Variants in FLOT2 observed in about 807,000 individuals in gnomAD.
FLOT2 encodes the protein flotillin-2.
Under a neutral mutation model 54.9 loss-of-function variants are expected in FLOT2, and 35 were observed. The ratio of observed to expected loss-of-function variants is 0.64; its 90% CI spans 0.49 to 0.84. The LOEUF (loss-of-function observed/expected upper bound fraction) is 0.84, where lower values mean the gene tolerates loss of function less well. FLOT2 is among the 40% of genes least tolerant of loss of function. FLOT2 has a pLI of 0.00. For missense variants in FLOT2, 464 were observed against 572.1 expected, an observed-to-expected ratio of 0.81 and a Z score of 1.93; for synonymous variants, 207 against 228.9, an observed-to-expected ratio of 0.90 and a Z score of 0.86.
rs765305040 is a variant in FLOT2, at chr17:28,888,952, T to C, written c.124A>G (p.Thr42Ala). 35 of 1,613,798 alleles carry C rather than the reference T, an allele frequency of 2.2e-5. No individual in the cohort carries two copies. Reference protein sequence around the residue: ...WAWAWWCISDTQRISLEIMTL... With the variant: ...WAWAWWCISDAQRISLEIMTL... ...GAGCCCCCAGGTGCTTACCTCTGAG[T>C]GTCGGAGATACACCACCAGGCCCAG... Residue 42 changes from threonine (T) to alanine (A), a missense_variant, in exon 2 of 11, where the codon ACT (threonine) becomes GCT (alanine). Physicochemically the swap from Thr to Ala is moderately conservative, Grantham distance 58 (BLOSUM62 0). Coordinates refer to ENST00000394908, the MANE Select transcript of FLOT2 (RefSeq NM_004475.3).
At position 28,882,437 on chromosome 17, in the gene FLOT2, T is replaced by C. The variant is rs748685439; in HGVS notation, c.479A>G (p.Lys160Arg). ...LSFTIKDVYD[K>R]VDYLSSLGKT... ...GCCCAGGGAGCTCAGATAGTCCACT[T>C]TGTCATACACGTCCTGGGGAGGGAA... Residue 160 changes from lysine to arginine, a missense_variant, in exon 6 of 11, where the codon AAA (lysine) becomes AGA (arginine). Lys to Arg is a conservative substitution (Grantham distance 26, BLOSUM62 2). Coordinates refer to ENST00000394908, the MANE Select transcript of FLOT2 (RefSeq NM_004475.3). This position sits in a 1 kb window ranked among gnomAD's most constrained non-coding sequence, Gnocchi z 5.6. The C allele has an allele frequency of 1.9e-6, 3 of 1,613,994 alleles. No individual in the cohort carries two copies. Among genetic ancestry groups the C allele is most frequent in the Admixed American group, 3.3e-5 (2 of 60,024 alleles).
At position 28,882,615 on chromosome 17, in the gene FLOT2, A is replaced by T; in HGVS notation, c.423T>A (p.Asp141Glu). 6.2e-7 allele frequency: 1 copy of T among 1,613,668 alleles called. No homozygotes were observed. The change falls in exon 5 of 11, where the codon GAT (aspartate) becomes GAA (glutamate). Residue 141 changes from aspartate (D) to glutamate (E), a missense_variant. By Grantham distance (45) the Asp-to-Glu change is conservative. Coordinates refer to ENST00000394908, the MANE Select transcript of FLOT2 (RefSeq NM_004475.3). The surrounding 1 kb of genome is among the most constrained non-coding windows in gnomAD (Gnocchi z 5.6). ...GGATCTCAATGCCCATGCGGCCAAC[A>T]TCAGGGGCTGCCACCTCCCGCACCA... ...AKLVREVAAP[D>E]VGRMGIEILS...
Position 28,880,281 on chromosome 17 carries a change from T to G in FLOT2, c.*280A>C. The G allele has an allele frequency of 6.0e-6, 8 of 1,325,456 alleles. No homozygotes were observed. Among genetic ancestry groups the G allele is most frequent in the East Asian group, 6.1e-5 (2 of 32,822 alleles). The allele number at this position is 1,325,456 out of a possible 1,614,324, so 82.1% of individuals were successfully genotyped here. A position where few individuals can be genotyped will look rare whatever the true frequency, so the allele number is the denominator to read the frequency against. On this transcript the variant is annotated 3_prime_UTR_variant, in exon 11 of 11. Transcript: ENST00000394908. ...TTCAGCTTAATCTACATGATGTGCA[T>G]GGGGGAAAGAAAAAGACAGACAAAG...
chr17:28,883,564 G>A lies in FLOT2; in HGVS notation c.223-333C>T, dbSNP rs2039492674. 6.6e-6 allele frequency among the ~76,000 whole-genome samples: 1 copy of A among 152,144 alleles called. No individual in the cohort carries two copies. The highest frequency in any genetic ancestry group is 6.5e-5 in the Admixed American group (1 of 15,288). On this transcript the variant is annotated intron_variant, in intron 3 of 10. Transcript: ENST00000394908. The surrounding 1 kb of genome is among the most constrained non-coding windows in gnomAD (Gnocchi z 5.0). The stretch of plus-strand genomic sequence containing the variant: ...CTTCCTACACGTGGGAGACCCTCAG[G>A]CTGAGGGGCAGAGAGTATGAGAAGC...
intron 1 of FLOT2, among the ~76,000 whole-genome samples, chr17:28,891,275 G>GTTAGTGTCTCTGA (rs1236948377): frequency 1.3e-5 from 2 of 152,226 alleles, no homozygotes; most frequent in Non-Finnish European, 2.9e-5. Context: ...AAGGGTCTGG[G>GTTAGTGTCTCTGA]GGAGTTTCAT....
chr17:28,897,716 C>T lies in FLOT2; in HGVS notation c.-142G>A, dbSNP rs1057159366. ...GCTCGCCCGCGCCCCTCTGCGGTCG[C>T]AGCCCCGCCGGAAGTGTGGCGGCGG... On this transcript the variant is annotated 5_prime_UTR_variant, in exon 1 of 11. Coordinates refer to ENST00000394908, the MANE Select transcript of FLOT2 (RefSeq NM_004475.3). This position sits in a 1 kb window ranked among gnomAD's most constrained non-coding sequence, Gnocchi z 4.4. The T allele has an allele frequency of 9.3e-6, 6 of 645,640 alleles. No individual in the cohort carries two copies. In the Admixed American group the frequency reaches 2.8e-4, roughly 30 times the overall value. The allele number at this position is 645,640 out of a possible 1,614,324, so 40.0% of individuals were successfully genotyped here.
chr17:28,881,170 C>A, intron 9 of FLOT2, 22 bp downstream of exon 9: 1 of 1,606,246 alleles, frequency 6.2e-7, no homozygotes, highest in Non-Finnish European at 8.5e-7. Context: ...AACCCTAGGA[C>A]CCGCTTGGGT....
chr17:28,884,224 C>A lies in FLOT2; in HGVS notation c.222+1G>T. The A allele has an allele frequency of 6.2e-7, 1 of 1,610,262 alleles. No homozygotes were observed. The highest frequency in any genetic ancestry group is 8.5e-7 in the Non-Finnish European group (1 of 1,176,724). On this transcript the variant is annotated splice_donor_variant, in intron 3 of 10. Transcript: ENST00000394908. LOFTEE classifies it high-confidence loss of function. This position sits in a 1 kb window ranked among gnomAD's most constrained non-coding sequence, Gnocchi z 5.1. ...TGCGCAGGGCTGCTGAGTTACTATA[C>A]CTGGGCGACACCCGTCACAGTTAAA...
chr17:28,879,908 C>T lies in FLOT2; in HGVS notation c.*653G>A. On this transcript the variant is annotated 3_prime_UTR_variant, in exon 11 of 11. Transcript: ENST00000394908. ...GAGGAAGCTGCTGTAGACAGGAGGCCTTGCCTCTGTGCCCTTGGGGTCAGG... is the reference window on the plus strand; with the variant it reads ...GAGGAAGCTGCTGTAGACAGGAGGCTTTGCCTCTGTGCCCTTGGGGTCAGG... 2.0e-6 allele frequency: 2 copies of T among 986,180 alleles called. No homozygotes were observed. Among genetic ancestry groups the T allele is most frequent in the Non-Finnish European group, 2.4e-6 (2 of 830,238 alleles). 61.1% of individuals were successfully genotyped at this position (986,180 alleles called of 1,614,324 possible).
At position 28,879,856 on chromosome 17, in the gene FLOT2, A is replaced by C. The variant is rs1555597981; in HGVS notation, c.*705T>G. 1 of 985,938 alleles carries C rather than the reference A, an allele frequency of 1.0e-6. No individual in the cohort carries two copies. Among genetic ancestry groups the C allele is most frequent in the Non-Finnish European group, 1.2e-6 (1 of 830,118 alleles). 61.1% of individuals were successfully genotyped at this position (985,938 alleles called of 1,614,324 possible). A position where few individuals can be genotyped will look rare whatever the true frequency, so the allele number is the denominator to read the frequency against. ...GAAGAGGCCTTCCCTGAGCACAAGC[A>C]GGGGCCTCCTAAGGCAGTAGGAAAC... On this transcript the variant is annotated 3_prime_UTR_variant, in exon 11 of 11. Coordinates refer to ENST00000394908, the MANE Select transcript of FLOT2 (RefSeq NM_004475.3).
chr17:28,886,052 TG>T, intron 2 of FLOT2: 1 of 346,052 alleles, frequency 2.9e-6, no homozygotes, highest in Non-Finnish European at 5.0e-6. Flanking sequence ...GCCTGACGCC[TG>T]GGGGCGGGGG....
rs150764360 is a variant in FLOT2 at position 28,887,015 on chromosome 17, A to AGAGGGAGG, written c.131+1922_131+1929dup. On this transcript the variant is annotated intron_variant, in intron 2 of 10. Coordinates refer to ENST00000394908, the MANE Select transcript of FLOT2 (RefSeq NM_004475.3). Reference sequence around the variant, plus strand: ...GGGGAAGGAGAGAGGGAAATAGGGGAGAGGGAGGGAGGGAGGAAGGGTAGT... The same window carrying AGAGGGAGG: ...GGGGAAGGAGAGAGGGAAATAGGGGAGAGGGAGGGAGGGAGGGAGGGAGGAAGGGTAGT... Among the ~76,000 whole-genome samples the AGAGGGAGG allele has an allele frequency of 2.0e-5, 3 of 149,124 alleles. No individual in the cohort carries two copies. In the South Asian group the frequency reaches 6.6e-4, roughly 33 times the overall value.
intron 1 of FLOT2, among the ~76,000 whole-genome samples, chr17:28,891,353 TCA>T (rs1011913473): frequency 1.3e-5 from 2 of 152,112 alleles, no homozygotes; most frequent in East Asian, 1.9e-4. Context: ...AGAGGGCAGA[TCA>T]CACAGTGTCT....
In FLOT2 at chr17:28,880,307, G is replaced by A. The variant is rs1342345199; in HGVS notation, c.*254C>T. On this transcript the variant is annotated 3_prime_UTR_variant, in exon 11 of 11. Coordinates refer to ENST00000394908, the MANE Select transcript of FLOT2 (RefSeq NM_004475.3). ...GGGGGAAAGAAAAAGACAGACAAAGGAAAAGACACGCAGGGAGATGAGACA... is the reference window on the plus strand; with the variant it reads ...GGGGGAAAGAAAAAGACAGACAAAGAAAAAGACACGCAGGGAGATGAGACA... 1.5e-6 allele frequency: 2 copies of A among 1,368,776 alleles called. No homozygotes were observed. The highest frequency in any genetic ancestry group is 3.3e-5 in the Admixed American group (1 of 30,196). The allele number at this position is 1,368,776 out of a possible 1,614,324, so 84.8% of individuals were successfully genotyped here. A position where few individuals can be genotyped will look rare whatever the true frequency, so the allele number is the denominator to read the frequency against.
At chr17:28,887,614 G>A (rs1379292462) in intron 2 of FLOT2, among the ~76,000 whole-genome samples, 1 of 152,250 alleles carries the variant, frequency 6.6e-6, no homozygotes, top group Non-Finnish European at 1.5e-5. Context: ...AGGACTGCAG[G>A]GGAATTGGCC....
chr17:28,890,668 G>T (rs2039634104), intron 1 of FLOT2, among the ~76,000 whole-genome samples: 1 of 152,144 alleles, frequency 6.6e-6, no homozygotes, highest in Non-Finnish European at 1.5e-5. Context: ...TTACAGGCGT[G>T]AGCCACTGCG....
rs551762020 is a variant in FLOT2, at chr17:28,882,196, C to T, written c.621G>A (p.Met207Ile). Residue 207 changes from methionine to isoleucine, a missense_variant, in exon 7 of 11, where the codon ATG becomes ATA. Physicochemically the swap from Met to Ile is conservative, Grantham distance 10 (BLOSUM62 1). Coordinates refer to ENST00000394908, the MANE Select transcript of FLOT2 (RefSeq NM_004475.3). The surrounding 1 kb of genome is among the most constrained non-coding windows in gnomAD (Gnocchi z 5.6). ...CKKEMLDVKF[M>I]ADTKIADSKR... ...TAGAGTCAGCAATCTTGGTGTCTGC[C>T]ATGAACTTCACATCCAGCATCTCCT... 2.5e-6 allele frequency: 4 copies of T among 1,614,168 alleles called. No individual in the cohort carries two copies. The highest frequency in any genetic ancestry group is 2.2e-5 in the South Asian group (2 of 91,078).
At chr17:28,890,488 G>A (rs1263972865) in intron 1 of FLOT2, among the ~76,000 whole-genome samples, 3 of 151,452 alleles carry the variant, frequency 2.0e-5, no homozygotes, top group Non-Finnish European at 2.9e-5. Flanking sequence ...CCGGGTTCAC[G>A]CGATTCTCCT....
In FLOT2 at chr17:28,881,824, C is replaced by T. The variant is rs767292901; in HGVS notation, c.904G>A (p.Glu302Lys). ...AEAHRIQQIA[E>K]GEKVKQVLLA... ...CTGGGCGGCTCTCACTTTTCACCCT[C>T]GGCAATCTGCTGGATGCGGTGGGCC... The change falls in exon 8 of 11, where the codon GAG (glutamate) becomes AAG (lysine). Residue 302 changes from glutamate (E) to lysine (K), a missense_variant. Physicochemically the swap from Glu to Lys is moderately conservative, Grantham distance 56. Transcript: ENST00000394908. The T allele has an allele frequency of 4.4e-5, 71 of 1,613,136 alleles. No homozygotes were observed. The highest frequency in any genetic ancestry group is 3.3e-4 in the Middle Eastern group (2 of 6,078).
Sources: gnomAD v4.1 joint callset for allele counts (sites outside exome capture counted in the v4.1 genomes callset) on GRCh38, gnomAD v4.1.1 for gene constraint, Gnocchi (gnomAD v3.1) non-coding constraint, MANE v1.5 for transcripts, NCBI Gene and HGNC (gene_info 2026-07-23, HGNC 2026-07-21) for gene names.